The following APLP2 variants were observed in gnomAD, a reference collection of about 807,000 sequenced individuals.
APLP2 encodes CDEI box-binding protein.
In APLP2, 53 loss-of-function variants were observed where a neutral mutation model predicts 89.9. The ratio of observed to expected loss-of-function variants is 0.59; its 90% CI spans 0.47 to 0.74. APLP2 has a LOEUF of 0.74. APLP2 is among the 30% of genes least tolerant of loss of function. The pLI is 0.00. For missense variants in APLP2, 973 were observed against 975.9 expected (o/e 1.00, Z 0.04); for synonymous variants, 372 against 348.6 (o/e 1.07, Z -0.75).
chr11:130,115,825 C>T (rs758365531), intron 3 of APLP2, among the ~76,000 whole-genome samples: 5 of 152,088 alleles, frequency 3.3e-5, no homozygotes, highest in South Asian at 2.1e-4. Context: ...AATGATAGAG[C>T]GGATGCTGGG....
intron 12 of APLP2, 94 bp from the exon 13 acceptor site, chr11:130,135,469 G>A (rs1591845710): frequency 1.4e-6 from 2 of 1,389,634 alleles, no homozygotes; most frequent in East Asian, 4.7e-5. Flanking sequence ...GGAACTGGGA[G>A]CCACAGTGGG....
At position 130,107,814 on chromosome 11, in the gene APLP2, A is replaced by G. The variant is rs1001488282; in HGVS notation, c.106-1615A>G. ...GCATCACGCTACCTGACTTCAAACT[A>G]TACTTCAATGCTACAGTAAGCAAAA... is the stretch of plus-strand genomic sequence containing the variant. On this transcript the variant is annotated intron_variant, in intron 1 of 16. Coordinates refer to ENST00000338167, the MANE Select transcript of APLP2 (RefSeq NM_001142276.2). Among the ~76,000 whole-genome samples, 4 of 152,246 alleles carry G rather than the reference A, an allele frequency of 2.6e-5. No homozygotes were observed. In the East Asian group the frequency reaches 7.7e-4, roughly 29 times the overall value.
At chr11:130,085,321 A>G (rs1169401243) in intron 1 of APLP2, among the ~76,000 whole-genome samples, 2 of 152,138 alleles carry the variant, frequency 1.3e-5, no homozygotes, top group Non-Finnish European at 2.9e-5. Flanking sequence ...GCATGGTGGT[A>G]GGTGTGTGTA....
chr11:130,142,806 A>T (rs1309128272), intron 16 of APLP2, among the ~76,000 whole-genome samples: 3 of 151,812 alleles, frequency 2.0e-5, no homozygotes, highest in African/African-American at 7.3e-5. Context: ...TAGAGATAGG[A>T]TTTCCCCATA....
At chr11:130,120,575 C>T (rs1028412862) in intron 3 of APLP2, 131 bp from the exon 4 acceptor site, 5 of 683,866 alleles carry the variant, frequency 7.3e-6, no homozygotes, top group Non-Finnish European at 1.3e-5. Flanking sequence ...TTTGAAGGTA[C>T]GAGATGTGCA....
intron 3 of APLP2, among the ~76,000 whole-genome samples, chr11:130,117,465 C>T (rs763922917): frequency 7.9e-5 from 12 of 151,400 alleles, no homozygotes; most frequent in African/African-American, 2.9e-4. Context: ...TTTTCTGAGA[C>T]GGAGTCTCTT....
chr11:130,086,880 T>C (rs918205566), intron 1 of APLP2, among the ~76,000 whole-genome samples: 2 of 152,222 alleles, frequency 1.3e-5, no homozygotes, highest in Admixed American at 1.3e-4. Flanking sequence ...GTTTGATTAC[T>C]GTAGCTTCGT....
intron 3 of APLP2, 99 bp downstream of exon 3, chr11:130,110,760 A>C: frequency 1.4e-6 from 2 of 1,391,150 alleles, no homozygotes. Context: ...CCTGTTAAGA[A>C]GCTGAGTGTG....
chr11:130,075,910 A>G (rs113928248), intron 1 of APLP2, among the ~76,000 whole-genome samples: 4 of 151,130 alleles, frequency 2.6e-5, no homozygotes, highest in African/African-American at 5.0e-5. Context: ...CTAATTTCAT[A>G]CAAGTTGTGA....
chr11:130,077,134 AAG>A (rs1217748818), intron 1 of APLP2, among the ~76,000 whole-genome samples: 1 of 152,220 alleles, frequency 6.6e-6, no homozygotes, highest in East Asian at 1.9e-4. Context: ...CTGAAAGAGA[AAG>A]AAGTAATTTC....
chr11:130,092,746 G>A (rs1002901833), intron 1 of APLP2, among the ~76,000 whole-genome samples: 3 of 151,524 alleles, frequency 2.0e-5, no homozygotes, highest in Admixed American at 2.0e-4. Context: ...CTGTCTTGAT[G>A]ATAGAATACC....
chr11:130,139,457 C>T (rs756555695), intron 13 of APLP2: 4 of 152,130 alleles, frequency 2.6e-5, no homozygotes, highest in African/African-American at 7.2e-5. Flanking sequence ...ATATCACAGA[C>T]GTTTATATTG....
intron 1 of APLP2, among the ~76,000 whole-genome samples, chr11:130,094,436 A>AC (rs1322542717): frequency 6.7e-6 from 1 of 149,128 alleles, no homozygotes; most frequent in East Asian, 2.0e-4. Context: ...TGATCCACTC[A>AC]CCTCGGCCTC....
chr11:130,070,490 C>T (rs1277336311), intron 1 of APLP2: 1 of 1,166,692 alleles, frequency 8.6e-7, no homozygotes, highest in Non-Finnish European at 1.1e-6. Context: ...GGCGGCCCCG[C>T]GCGGACCCCG....
At chr11:130,090,226 G>A (rs1944707841) in intron 1 of APLP2, among the ~76,000 whole-genome samples, 1 of 146,746 alleles carries the variant, frequency 6.8e-6, no homozygotes, top group Admixed American at 6.7e-5. Context: ...TGCTGGTGGA[G>A]TATTCTAGTT....
intron 1 of APLP2, among the ~76,000 whole-genome samples, chr11:130,082,318 G>A (rs1439561295): frequency 6.6e-6 from 1 of 152,048 alleles, no homozygotes; most frequent in Non-Finnish European, 1.5e-5. Flanking sequence ...TGAGCAGCTG[G>A]GATTACAGGT....
chr11:130,121,467 T>C, intron 4 of APLP2, 147 bp from the exon 5 acceptor site: 1 of 1,041,004 alleles, frequency 9.6e-7, no homozygotes, highest in Non-Finnish European at 1.3e-6. Context: ...TATTACAATT[T>C]TTTTTTGACA....
At chr11:130,138,170 G>C (rs544221964) in intron 13 of APLP2, among the ~76,000 whole-genome samples, 1 of 152,314 alleles carries the variant, frequency 6.6e-6, no homozygotes, top group Non-Finnish European at 1.5e-5. Flanking sequence ...TTCATAATGT[G>C]TTGTATGAGC....
chr11:130,106,889 A>G (rs1324418014), intron 1 of APLP2, among the ~76,000 whole-genome samples: 1 of 149,210 alleles, frequency 6.7e-6, no homozygotes, highest in African/African-American at 2.6e-5. Context: ...GGGTTTTGCC[A>G]TGTTGGACAG....
Sources: allele counts gnomAD v4.1 joint callset (sites outside exome capture counted in the v4.1 genomes callset), GRCh38; gene constraint gnomAD v4.1.1; transcripts MANE v1.5; gene names NCBI Gene and HGNC (gene_info 2026-07-23, HGNC 2026-07-21).